RNF157: variants seen among roughly 807,000 people sequenced by gnomAD.
RNF157 encodes E3 ubiquitin ligase RNF157.
Under a neutral mutation model 88.3 loss-of-function variants are expected in RNF157, and 55 were observed. The observed-to-expected ratio is 0.62, with a 90% CI of 0.50 to 0.78. RNF157 has a LOEUF of 0.78. RNF157 is among the 30% of genes least tolerant of loss of function. The pLI is 0.00. For synonymous variants in RNF157, 334 were observed against 341.2 expected (o/e 0.98, Z 0.23); for missense variants, 788 against 860.8 (o/e 0.92, Z 1.06).
intron 6 of RNF157, among the ~76,000 whole-genome samples, chr17:76,165,924 C>T (rs980619874): frequency 5.3e-5 from 8 of 151,996 alleles, no homozygotes; most frequent in Non-Finnish European, 5.9e-5. Context: ...GTGATCTGCC[C>T]GCCTCAGCCT....
rs377506416 is a variant in RNF157, at chr17:76,194,042, A to C, written c.207+18322T>G. Among the ~76,000 whole-genome samples, 19 of 152,134 alleles carry C rather than the reference A, an allele frequency of 1.2e-4. 2 individuals carry two copies. The highest frequency in any genetic ancestry group is 1.0e-3 in the Admixed American group (16 of 15,274). On this transcript the variant is annotated intron_variant, in intron 2 of 18. Coordinates refer to ENST00000269391, the MANE Select transcript of RNF157 (RefSeq NM_052916.3). ...CATTTCTATTAATCACCTCTTTCCA[A>C]GGCACATTCTGTTTTTTTGTTGGTT...
intron 1 of RNF157, among the ~76,000 whole-genome samples, chr17:76,237,686 C>T (rs755520382): frequency 4.5e-4 from 69 of 152,248 alleles, no homozygotes; most frequent in Admixed American, 6.5e-4. Context: ...CTCTGGGTCT[C>T]CATTTTCTTA....
At chr17:76,165,983 A>G (rs537127785) in intron 6 of RNF157, among the ~76,000 whole-genome samples, 1 of 148,228 alleles carries the variant, frequency 6.7e-6, no homozygotes, top group Non-Finnish European at 1.5e-5. Context: ...CAGCTAAACC[A>G]CATTTTTTTG....
chr17:76,227,562 T>C (rs1311257177), intron 1 of RNF157, among the ~76,000 whole-genome samples: 2 of 152,012 alleles, frequency 1.3e-5, no homozygotes, highest in Admixed American at 6.6e-5. Context: ...GGTTAAATAA[T>C]CTGTCCAAGG....
In RNF157 at chr17:76,189,370, T is replaced by C. The variant is rs527532735; in HGVS notation, c.208-15580A>G. On this transcript the variant is annotated intron_variant, in intron 2 of 18. Transcript: ENST00000269391. ...CAGCAAGAGAAATGCAGAGATGAAA[T>C]GGAAGGAGCTCAGGATCTATGAGCA... Among the ~76,000 whole-genome samples, 21 of 152,194 alleles carry C rather than the reference T, an allele frequency of 1.4e-4. No individual in the cohort carries two copies. In the South Asian group the frequency reaches 4.4e-3, roughly 32 times the overall value.
At chr17:76,165,615 G>A in intron 6 of RNF157, 70 bp from the exon 7 acceptor site, 1 of 1,542,400 alleles carries the variant, frequency 6.5e-7, no homozygotes, top group Non-Finnish European at 9.0e-7. Flanking sequence ...ACTTTCTCCA[G>A]TTCCCTGCAA....
At chr17:76,156,889 T>A (rs867022526) in intron 13 of RNF157, among the ~76,000 whole-genome samples, 8 of 152,056 alleles carry the variant, frequency 5.3e-5, no homozygotes, top group Admixed American at 2.6e-4. Flanking sequence ...TTCTACGAAC[T>A]GTATCTCCAT....
chr17:76,146,542 G>A lies in RNF157; in HGVS notation c.1922-1189C>T, dbSNP rs2068587968. The A allele has an allele frequency of 8.1e-6, 8 of 985,450 alleles. No homozygotes were observed. Among genetic ancestry groups the A allele is most frequent in the Non-Finnish European group, 9.6e-6 (8 of 829,936 alleles). 61.0% of individuals were successfully genotyped at this position (985,450 alleles called of 1,614,324 possible). On this transcript the variant is annotated intron_variant, in intron 18 of 18. Transcript: ENST00000269391. The surrounding 1 kb of genome is among the most constrained non-coding windows in gnomAD (Gnocchi z 4.2). ...TGGCTCCCTGGGGTAGGGAAGGCATGTCGTCCTCCGGACCCTGTGGGCCTC... is the reference window on the plus strand; with the variant it reads ...TGGCTCCCTGGGGTAGGGAAGGCATATCGTCCTCCGGACCCTGTGGGCCTC...
intron 13 of RNF157, 129 bp from the exon 14 acceptor site, chr17:76,156,450 A>G: frequency 6.7e-7 from 1 of 1,481,972 alleles, no homozygotes; most frequent in Non-Finnish European, 8.9e-7. Context: ...ACTGAGTGGC[A>G]TGCAGAGGCC....
intron 2 of RNF157, among the ~76,000 whole-genome samples, chr17:76,210,399 G>A (rs940145706): frequency 2.6e-5 from 4 of 151,670 alleles, no homozygotes; most frequent in African/African-American, 4.8e-5. Context: ...GACCATCCTG[G>A]CTAACACAGT....
chr17:76,145,884 T>G lies in RNF157; in HGVS notation c.1922-531A>C, dbSNP rs113723423. Among the ~76,000 whole-genome samples the G allele has an allele frequency of 2.6e-3, 393 of 152,250 alleles. 1 individual carries two copies. The highest frequency in any genetic ancestry group is 7.2e-3 in the African/African-American group (298 of 41,550). On this transcript the variant is annotated intron_variant, in intron 18 of 18. Coordinates refer to ENST00000269391, the MANE Select transcript of RNF157 (RefSeq NM_052916.3). ...AAGGCTGCCTGGAGGGAGGACAGTGTGAGGCTCCAGTCCCCGTCACCTGCC... is the reference window on the plus strand; with the variant it reads ...AAGGCTGCCTGGAGGGAGGACAGTGGGAGGCTCCAGTCCCCGTCACCTGCC...
chr17:76,152,277 G>C, intron 18 of RNF157, 78 bp downstream of exon 18: 1 of 930,194 alleles, frequency 1.1e-6, no homozygotes, highest in Non-Finnish European at 1.8e-6. Flanking sequence ...CAGGAGATGG[G>C]TGTACCAGGG....
chr17:76,207,536 G>C (rs2069701856), intron 2 of RNF157, among the ~76,000 whole-genome samples: 1 of 152,232 alleles, frequency 6.6e-6, no homozygotes, highest in Non-Finnish European at 1.5e-5. Flanking sequence ...AGAAATGACA[G>C]GGAATTGCAC....
chr17:76,154,460 T>C (rs2068730689), intron 16 of RNF157, 132 bp from the exon 17 acceptor site: 1 of 713,192 alleles, frequency 1.4e-6, no homozygotes, highest in African/African-American at 1.8e-5. Flanking sequence ...TTTCCATCTG[T>C]GTTTAATATG....
In RNF157 at chr17:76,152,407, G is replaced by A. The variant is rs759772932; in HGVS notation, c.1869C>T (p.Ile623=). Residue 623 remains isoleucine, a synonymous_variant, in exon 18 of 19, where the codon ATC becomes ATT. Transcript: ENST00000269391. ...TATTGTCCAGTGCTTTCACGCTTGC[G>A]ATGTCAAAGTCATTGTTATTGTCAC... The part of the protein sequence containing the change: ...MECDNNNDFD[I]ASVKALDNKL... 9 of 1,613,764 alleles carry A rather than the reference G, an allele frequency of 5.6e-6. No individual in the cohort carries two copies. Among genetic ancestry groups the A allele is most frequent in the South Asian group, 1.1e-5 (1 of 91,078 alleles).
intron 2 of RNF157, among the ~76,000 whole-genome samples, chr17:76,183,075 C>T (rs1475170719): frequency 2.0e-5 from 3 of 151,806 alleles, no homozygotes; most frequent in African/African-American, 4.8e-5. Flanking sequence ...GCTGGGATTA[C>T]AGGCGTCTGC....
rs1200067697 is a variant in RNF157 at position 76,162,789 on chromosome 17, T to C, written c.721-166A>G. 9.7e-6 allele frequency: 5 copies of C among 514,526 alleles called. No individual in the cohort carries two copies. The African/African-American group carries it at 9.9e-5, about 10-fold the overall frequency. The allele number at this position is 514,526 out of a possible 1,614,324, so 31.9% of individuals were successfully genotyped here. A position where few individuals can be genotyped will look rare whatever the true frequency, so the allele number is the denominator to read the frequency against. On this transcript the variant is annotated intron_variant, in intron 8 of 18. Transcript: ENST00000269391. ...AAAAGATGCTTTTATTTACTTATGT[T>C]TTCTCTTTGAGAGAAGAAAGAAAAT... is the stretch of plus-strand genomic sequence containing the variant.
chr17:76,150,848 T>TGCCC (rs2068663513), intron 18 of RNF157, among the ~76,000 whole-genome samples: 1 of 152,220 alleles, frequency 6.6e-6, no homozygotes, highest in Non-Finnish European at 1.5e-5. Flanking sequence ...GGTGTGTGCG[T>TGCCC]GCCCAGCAAG....
Position 76,158,416 on chromosome 17 carries a change from G to A in RNF157, c.1390C>T (p.Pro464Ser), listed in dbSNP as rs1555651777. The A allele has an allele frequency of 1.2e-6, 2 of 1,613,054 alleles. No individual in the cohort carries two copies. The highest frequency in any genetic ancestry group is 3.3e-5 in the Admixed American group (2 of 60,024). Residue 464 changes from proline (P) to serine (S), a missense_variant, in exon 13 of 19, where the codon CCG becomes TCG. Transcript: ENST00000269391. Reference protein sequence around the residue: ...SESETQLSQRPSVQHLGEECG... With the variant: ...SESETQLSQRSSVQHLGEECG... Reference sequence around the variant, plus strand: ...ACCTCTCCGAGATGCTGAACCGACGGTCTCTGAGAGAGCTGTGTCTCCGAC... The same window carrying A: ...ACCTCTCCGAGATGCTGAACCGACGATCTCTGAGAGAGCTGTGTCTCCGAC...
Sources: allele counts gnomAD v4.1 joint callset (sites outside exome capture counted in the v4.1 genomes callset), GRCh38; gene constraint gnomAD v4.1.1; non-coding constraint Gnocchi (gnomAD v3.1); transcripts MANE v1.5; gene names NCBI Gene and HGNC (gene_info 2026-07-23, HGNC 2026-07-21).